Variants in SIPA1L1 observed in about 807,000 individuals in gnomAD.
The protein encoded by SIPA1L1 is signal-induced proliferation-associated 1-like protein 1.
SIPA1L1 carries 26 observed loss-of-function variants against 162.7 expected under a neutral mutation model. The ratio of observed to expected loss-of-function variants is 0.16; its 90% CI spans 0.12 to 0.22. SIPA1L1 has a LOEUF of 0.22. SIPA1L1 is among the 10% of genes least tolerant of loss of function. The pLI is 1.00. For synonymous variants in SIPA1L1, 829 were observed against 837.4 expected (o/e 0.99, Z 0.17); for missense variants, 1,874 against 2,241.0 (o/e 0.84, Z 3.31).
At chr14:71,327,755 C>T (rs2034010325) in intron 2 of SIPA1L1, among the ~76,000 whole-genome samples, 1 of 152,116 alleles carries the variant, frequency 6.6e-6, no homozygotes, top group East Asian at 1.9e-4. Context: ...TGATTTAACT[C>T]CTCCCTTTTC....
intron 8 of SIPA1L1, among the ~76,000 whole-genome samples, chr14:71,656,068 C>G (rs1231172478): frequency 6.6e-6 from 1 of 152,078 alleles, no homozygotes; most frequent in African/African-American, 2.4e-5. Context: ...TATTTTAGCC[C>G]TAGTTTCATC....
At chr14:71,457,610 T>C (rs1259964483) in intron 2 of SIPA1L1, among the ~76,000 whole-genome samples, 6 of 150,714 alleles carry the variant, frequency 4.0e-5, no homozygotes, top group Admixed American at 4.0e-4. Context: ...ATTTTTTTTT[T>C]TAGACGGAAT....
At chr14:71,579,548 G>C (rs2033618179) in intron 4 of SIPA1L1, among the ~76,000 whole-genome samples, 1 of 152,164 alleles carries the variant, frequency 6.6e-6, no homozygotes, top group African/African-American at 2.4e-5. Flanking sequence ...GTTATGCTCA[G>C]AGATAACGGT....
At chr14:71,339,439 C>T (rs1594888181) in intron 2 of SIPA1L1, among the ~76,000 whole-genome samples, 2 of 151,070 alleles carry the variant, frequency 1.3e-5, no homozygotes, top group African/African-American at 4.9e-5. Flanking sequence ...CTCGGCTCAC[C>T]GCAACCTCCG....
At chr14:71,366,048 G>A (rs2038265959) in intron 2 of SIPA1L1, among the ~76,000 whole-genome samples, 1 of 152,022 alleles carries the variant, frequency 6.6e-6, no homozygotes, top group African/African-American at 2.4e-5. Flanking sequence ...TCTTAAAGCT[G>A]TGGTTCTTGA....
At chr14:71,549,019 C>A (rs1025163164) in intron 4 of SIPA1L1, among the ~76,000 whole-genome samples, 6 of 152,016 alleles carry the variant, frequency 3.9e-5, no homozygotes, top group Non-Finnish European at 7.4e-5. Context: ...TAATTTTAAA[C>A]CCAAGTCTGC....
chr14:71,354,495 T>C (rs2037046080), intron 2 of SIPA1L1, among the ~76,000 whole-genome samples: 1 of 152,014 alleles, frequency 6.6e-6, no homozygotes, highest in Admixed American at 6.5e-5. Flanking sequence ...CAGGCTTGTC[T>C]TGAATTCCTA....
intron 12 of SIPA1L1, among the ~76,000 whole-genome samples, chr14:71,681,207 G>A (rs1002993003): frequency 1.3e-5 from 2 of 152,154 alleles, no homozygotes; most frequent in Admixed American, 1.3e-4. Context: ...GGCCCCTTAT[G>A]CAGGAATTGC....
intron 2 of SIPA1L1, among the ~76,000 whole-genome samples, chr14:71,373,996 T>C (rs1487674896): frequency 1.3e-5 from 2 of 152,324 alleles, no homozygotes; most frequent in East Asian, 3.9e-4. Context: ...TGGTAAAGTG[T>C]CCATTCAGGG....
chr14:71,529,413 A>G (rs2145265524), intron 4 of SIPA1L1, 43 bp downstream of exon 4: 1 of 593,054 alleles, frequency 1.7e-6, no homozygotes. Context: ...CTGCTTTACA[A>G]AGTGTTGATT....
chr14:71,705,418 T>C, intron 16 of SIPA1L1, 78 bp downstream of exon 16: 1 of 1,062,934 alleles, frequency 9.4e-7, no homozygotes, highest in South Asian at 1.3e-5. Flanking sequence ...TGCTCTGCTC[T>C]TTCCTCTGCA....
intron 7 of SIPA1L1, among the ~76,000 whole-genome samples, chr14:71,636,188 A>G (rs1003661009): frequency 3.9e-5 from 6 of 152,248 alleles, no homozygotes. Flanking sequence ...GAACTTCACA[A>G]CATCAACCAA....
intron 7 of SIPA1L1, among the ~76,000 whole-genome samples, chr14:71,627,477 TTA>T (rs2040146707): frequency 6.6e-6 from 1 of 152,070 alleles, no homozygotes; most frequent in Non-Finnish European, 1.5e-5. Context: ...ATGTCAGTTG[TTA>T]AAATGGCAAT....
At chr14:71,544,255 T>TAC (rs142815343) in intron 4 of SIPA1L1, among the ~76,000 whole-genome samples, 1,450 of 107,434 alleles carry the variant, frequency 0.013, 46 homozygotes, top group East Asian at 0.12. Context: ...CATATGTATA[T>TAC]ACACATGATA....
At chr14:71,447,730 A>AT (rs1184896045) in intron 2 of SIPA1L1, among the ~76,000 whole-genome samples, 3 of 151,102 alleles carry the variant, frequency 2.0e-5, no homozygotes, top group East Asian at 1.9e-4. Context: ...CACCTGGCTA[A>AT]TTTTTTTTGT....
intron 2 of SIPA1L1, among the ~76,000 whole-genome samples, chr14:71,332,451 A>T (rs1054347951): frequency 2.0e-5 from 3 of 152,114 alleles, no homozygotes; most frequent in African/African-American, 7.2e-5. Flanking sequence ...AATATTATTT[A>T]TATATATAGA....
chr14:71,512,151 C>T (rs762612990), intron 2 of SIPA1L1, among the ~76,000 whole-genome samples: 1 of 152,074 alleles, frequency 6.6e-6, no homozygotes, highest in African/African-American at 2.4e-5. Flanking sequence ...TGATGGTTAG[C>T]GTCTGAATTA....
At chr14:71,331,902 A>G (rs976299327) in intron 2 of SIPA1L1, among the ~76,000 whole-genome samples, 89 of 152,334 alleles carry the variant, frequency 5.8e-4, no homozygotes, top group African/African-American at 2.0e-3. Context: ...GTTGTACAGG[A>G]TGAATTGAAG....
intron 4 of SIPA1L1, among the ~76,000 whole-genome samples, chr14:71,573,128 A>G (rs1015121930): frequency 3.3e-5 from 5 of 152,248 alleles, no homozygotes; most frequent in Non-Finnish European, 7.3e-5. Flanking sequence ...GGACTGAAGA[A>G]GATGGAGTCA....
Sources: gnomAD v4.1 joint callset for allele counts (sites outside exome capture counted in the v4.1 genomes callset) on GRCh38, gnomAD v4.1.1 for gene constraint, MANE v1.5 for transcripts, NCBI Gene and HGNC (gene_info 2026-07-23, HGNC 2026-07-21) for gene names.